The following PTPRT variants were observed in gnomAD, a reference collection of about 807,000 sequenced individuals.
PTPRT encodes the protein protein tyrosine phosphatase receptor type T, also known as receptor-type tyrosine-protein phosphatase T.
Under a neutral mutation model 176.8 loss-of-function variants are expected in PTPRT, and 56 were observed. The ratio of observed to expected loss-of-function variants is 0.32; its 90% confidence interval spans 0.26 to 0.40. The LOEUF (loss-of-function observed/expected upper bound fraction) is 0.40. Among genes scored for constraint, PTPRT ranks in the 10% least tolerant of loss-of-function variants. The pLI is 1.00. For synonymous variants in PTPRT, 783 were observed against 739.0 expected (o/e 1.06, Z -0.96); for missense variants, 1,540 against 1,908.2 (o/e 0.81, Z 3.60).
At chr20:42,441,687 C>T (rs564920002) in intron 9 of PTPRT, among the ~76,000 whole-genome samples, 342 of 152,284 alleles carry the variant, frequency 2.2e-3, no homozygotes, top group Non-Finnish European at 4.1e-3. Context: ...TGGTGCCATG[C>T]GGCCTGACCT....
chr20:42,862,773 A>G (rs1269047913), intron 2 of PTPRT, among the ~76,000 whole-genome samples: 1 of 152,186 alleles, frequency 6.6e-6, no homozygotes, highest in Non-Finnish European at 1.5e-5. Flanking sequence ...TTACTACATT[A>G]CAGCCCATAT....
intron 1 of PTPRT, chr20:43,063,191 T>C (rs945891985): frequency 3.3e-5 from 5 of 152,202 alleles, no homozygotes. Flanking sequence ...TGAAAATGAA[T>C]GAAAGGGACT....
chr20:42,748,664 A>C (rs373033832), intron 6 of PTPRT, among the ~76,000 whole-genome samples: 1 of 152,178 alleles, frequency 6.6e-6, no homozygotes, highest in Non-Finnish European at 1.5e-5. Context: ...GCCTCTGCCA[A>C]CTGTCAAATA....
chr20:43,091,973 G>A (rs1034278932), intron 1 of PTPRT, among the ~76,000 whole-genome samples: 3 of 152,232 alleles, frequency 2.0e-5, no homozygotes, highest in Non-Finnish European at 4.4e-5. Flanking sequence ...AACTGATGGA[G>A]TGATCAAGAA....
intron 1 of PTPRT, among the ~76,000 whole-genome samples, chr20:43,034,129 G>A (rs1175704042): frequency 6.6e-6 from 1 of 152,216 alleles, no homozygotes; most frequent in Non-Finnish European, 1.5e-5. Flanking sequence ...CATTCTAGAA[G>A]AAATCTGTCT....
intron 17 of PTPRT, among the ~76,000 whole-genome samples, chr20:42,156,909 A>G (rs1396872247): frequency 2.6e-5 from 4 of 152,202 alleles, no homozygotes; most frequent in Admixed American, 2.6e-4. Flanking sequence ...CAGTAGCTAG[A>G]AGGAAGTAAG....
At chr20:43,104,456 A>G (rs1004090128) in intron 1 of PTPRT, among the ~76,000 whole-genome samples, 3 of 152,120 alleles carry the variant, frequency 2.0e-5, no homozygotes, top group African/African-American at 7.2e-5. Context: ...CAAACCCAAT[A>G]TTGCCACTTA....
At chr20:42,508,402 G>A (rs1042401239) in intron 7 of PTPRT, among the ~76,000 whole-genome samples, 1 of 152,090 alleles carries the variant, frequency 6.6e-6, no homozygotes, top group African/African-American at 2.4e-5. Context: ...CTGTATGAGA[G>A]AAGGCTACTC....
chr20:42,329,792 T>C lies in PTPRT; in HGVS notation c.1866-13796A>G, dbSNP rs535524563. Reference sequence around the variant, plus strand: ...TTTAAAAATTTTCCTATCATTTCTATATAAGCATGCATTATTTTGTGGTGA... The same window carrying C: ...TTTAAAAATTTTCCTATCATTTCTACATAAGCATGCATTATTTTGTGGTGA... On this transcript the variant is annotated intron_variant, in intron 11 of 30. Transcript: ENST00000373187. 5.3e-5 allele frequency among the ~76,000 whole-genome samples: 8 copies of C among 152,336 alleles called. No individual in the cohort carries two copies. In the East Asian group the frequency reaches 9.6e-4, roughly 18 times the overall value.
intron 2 of PTPRT, among the ~76,000 whole-genome samples, chr20:42,876,209 GA>G (rs907439248): frequency 1.5e-4 from 23 of 151,924 alleles, no homozygotes; most frequent in Non-Finnish European, 2.9e-4. Flanking sequence ...AAAGAGGAAA[GA>G]AAAAAATGTA....
chr20:42,620,602 G>T, intron 7 of PTPRT, among the ~76,000 whole-genome samples: 2 of 152,268 alleles, frequency 1.3e-5, no homozygotes, highest in South Asian at 2.1e-4. Context: ...GATTCCGTGG[G>T]CGTAGGACCC....
At chr20:42,443,289 T>C (rs1460057285) in intron 9 of PTPRT, among the ~76,000 whole-genome samples, 2 of 152,356 alleles carry the variant, frequency 1.3e-5, no homozygotes, top group East Asian at 3.9e-4. Context: ...AATGTACACA[T>C]GAATTATCTG....
At chr20:42,427,157 T>A (rs2145788878) in intron 9 of PTPRT, among the ~76,000 whole-genome samples, 1 of 152,286 alleles carries the variant, frequency 6.6e-6, no homozygotes, top group South Asian at 2.1e-4. Context: ...ATTTAGAAAG[T>A]AAAATCCATC....
chr20:42,227,553 A>G (rs1373324156), intron 15 of PTPRT, among the ~76,000 whole-genome samples: 1 of 149,746 alleles, frequency 6.7e-6, no homozygotes, highest in Non-Finnish European at 1.5e-5. Flanking sequence ...ATTCTTTCAT[A>G]GGCATCTGTC....
rs139240971 is a variant in PTPRT, at chr20:42,342,814, G to A, written c.1865+7814C>T. Among the ~76,000 whole-genome samples, 61 of 152,254 alleles carry A rather than the reference G, an allele frequency of 4.0e-4. No individual in the cohort carries two copies. The East Asian group carries it at 9.8e-3, about 25-fold the overall frequency. On this transcript the variant is annotated intron_variant, in intron 11 of 30. Coordinates refer to ENST00000373187, the MANE Select transcript of PTPRT (RefSeq NM_007050.6). ...GAATCCTGAAGGAAATCTGGCAATC[G>A]TTTGCTTTTCTTCCCAATAAAGTTT... is the stretch of plus-strand genomic sequence containing the variant.
At position 42,573,749 on chromosome 20, in the gene PTPRT, C is replaced by CTTT. The variant is rs150938657; in HGVS notation, c.1154-101190_1154-101188dup. ...GGCAAGACGGACCCTTTCTTTCTTTCTTTTTTTTTTTTTTTTTGAGATGGA... is the reference window on the plus strand; with the variant it reads ...GGCAAGACGGACCCTTTCTTTCTTTCTTTTTTTTTTTTTTTTTTTTGAGATGGA... On this transcript the variant is annotated intron_variant, in intron 7 of 30. Coordinates refer to ENST00000373187, the MANE Select transcript of PTPRT (RefSeq NM_007050.6). Among the ~76,000 whole-genome samples, 180 of 112,574 alleles carry CTTT rather than the reference C, an allele frequency of 1.6e-3. 2 individuals are homozygous for CTTT. Among genetic ancestry groups the CTTT allele is most frequent in the African/African-American group, 6.1e-3 (174 of 28,656 alleles). 73.9% of individuals were successfully genotyped at this position (112,574 alleles called of 152,430 possible).
intron 1 of PTPRT, among the ~76,000 whole-genome samples, chr20:43,083,320 GTATATATATATATATATATATA>G (rs779087395): frequency 1.7e-3 from 64 of 37,388 alleles, no homozygotes; most frequent in Admixed American, 0.012. Context: ...CACTTCAAAT[GTATATATATATATATATATATA>G]TATATATATA....
chr20:43,144,475 T>A (rs2014108672), intron 1 of PTPRT, among the ~76,000 whole-genome samples: 1 of 152,156 alleles, frequency 6.6e-6, no homozygotes, highest in South Asian at 2.1e-4. Flanking sequence ...GTCACCAACA[T>A]CTCTCTCCTG....
intron 9 of PTPRT, among the ~76,000 whole-genome samples, chr20:42,352,502 T>C (rs954444804): frequency 6.6e-6 from 1 of 152,080 alleles, no homozygotes; most frequent in Admixed American, 6.5e-5. Flanking sequence ...CATGTTCTCA[T>C]TGATTTGTAG....
Sources: gnomAD v4.1 joint callset for allele counts (sites outside exome capture counted in the v4.1 genomes callset) on GRCh38, gnomAD v4.1.1 for gene constraint, MANE v1.5 for transcripts, NCBI Gene and HGNC (gene_info 2026-07-23, HGNC 2026-07-21) for gene names.